Variants in POLN observed in about 807,000 individuals in gnomAD.
The protein encoded by POLN is DNA polymerase N.
In POLN, 108 loss-of-function variants were observed where a neutral mutation model predicts 113.5. The ratio of observed to expected loss-of-function variants is 0.95; its 90% CI spans 0.81 to 1.12. The LOEUF (loss-of-function observed/expected upper bound fraction) is 1.12. Among genes scored for constraint, POLN ranks in the 50% most tolerant of loss-of-function variants. The pLI is 0.00. For synonymous variants in POLN, 386 were observed against 391.5 expected, an observed-to-expected ratio of 0.99 and a Z score of 0.17; for missense variants, 1,097 against 1,077.1, an observed-to-expected ratio of 1.02 and a Z score of -0.26.
chr4:2,210,616 AATAATAATAATAAT>A (rs1733966434), intron 4 of POLN, among the ~76,000 whole-genome samples: 4 of 136,800 alleles, frequency 2.9e-5, no homozygotes, highest in Non-Finnish European at 4.6e-5. Flanking sequence ...TAATAATAAT[AATAATAATAATAAT>A]AAAAAAAAGA....
chr4:2,084,998 T>C (rs548940904), intron 21 of POLN, among the ~76,000 whole-genome samples: 5 of 152,386 alleles, frequency 3.3e-5, no homozygotes, highest in African/African-American at 1.2e-4. Context: ...CTTTAAAATA[T>C]TCCTTTACTT....
intron 20 of POLN, among the ~76,000 whole-genome samples, chr4:2,086,311 T>C (rs1420559549): frequency 6.6e-6 from 1 of 152,116 alleles, no homozygotes; most frequent in Non-Finnish European, 1.5e-5. Context: ...CTAGTTTCTA[T>C]TTATTAACAA....
rs758781948 is a variant in POLN, at chr4:2,072,097, C to T, written c.*17G>A. The T allele has an allele frequency of 5.0e-6, 8 of 1,612,572 alleles. No homozygotes were observed. The highest frequency in any genetic ancestry group is 6.8e-6 in the Non-Finnish European group (8 of 1,179,652). Reference sequence around the variant, plus strand: ...GACTGCTGGAAACCAGTTCTCTCCTCCCACTGTTGCCTGGGGCTACAGACA... The same window carrying T: ...GACTGCTGGAAACCAGTTCTCTCCTTCCACTGTTGCCTGGGGCTACAGACA... On this transcript the variant is annotated 3_prime_UTR_variant, in exon 26 of 26. Coordinates refer to ENST00000511885, the MANE Select transcript of POLN (RefSeq NM_181808.4).
chr4:2,085,582 G>A (rs753741620), intron 21 of POLN, 31 bp downstream of exon 21: 2 of 1,612,308 alleles, frequency 1.2e-6, no homozygotes, highest in Non-Finnish European at 1.7e-6. Context: ...GGTTGGCAGG[G>A]AGCAGGGAGC....
chr4:2,174,299 G>A (rs2022303), intron 10 of POLN, among the ~76,000 whole-genome samples: 1 of 152,136 alleles, frequency 6.6e-6, no homozygotes, highest in East Asian at 1.9e-4. Flanking sequence ...GGCTGACGTG[G>A]TGCCCATCAG....
At chr4:2,213,227 T>G in intron 3 of POLN, 101 bp from the exon 4 acceptor site, 2 of 611,786 alleles carry the variant, frequency 3.3e-6, no homozygotes, top group Non-Finnish European at 5.4e-6. Flanking sequence ...TAATCATGCT[T>G]ATTTATTCAT....
intron 23 of POLN, chr4:2,079,863 G>A (rs890725597): frequency 1.0e-6 from 1 of 985,212 alleles, no homozygotes; most frequent in Non-Finnish European, 1.2e-6. Context: ...GGGATTACAG[G>A]CGTGAGCCAC....
chr4:2,102,112 A>G (rs1730941877), intron 19 of POLN, among the ~76,000 whole-genome samples: 1 of 152,134 alleles, frequency 6.6e-6, no homozygotes, highest in East Asian at 1.9e-4. Flanking sequence ...CCTTCACTCA[A>G]ACATTTCACC....
chr4:2,171,258 A>G (rs1017022249), intron 11 of POLN, 77 bp from the exon 12 acceptor site: 20 of 1,398,474 alleles, frequency 1.4e-5, no homozygotes, highest in Non-Finnish European at 1.9e-5. Flanking sequence ...TCATCAAACA[A>G]TTCTCAACAG....
chr4:2,172,365 C>T (rs547531499), intron 11 of POLN, among the ~76,000 whole-genome samples: 58 of 150,496 alleles, frequency 3.9e-4, no homozygotes, highest in African/African-American at 1.3e-3. Flanking sequence ...ATGAGCTCAA[C>T]GGACTCATGT....
intron 4 of POLN, among the ~76,000 whole-genome samples, chr4:2,212,230 A>G (rs909511197): frequency 6.6e-6 from 1 of 152,230 alleles, no homozygotes; most frequent in African/African-American, 2.4e-5. Context: ...CCCACACCAC[A>G]TAACTCACCC....
intron 7 of POLN, among the ~76,000 whole-genome samples, chr4:2,185,160 A>G (rs1733239952): frequency 6.6e-6 from 1 of 152,264 alleles, no homozygotes; most frequent in African/African-American, 2.4e-5. Context: ...ATCACAAAAA[A>G]AGATAAACAT....
At chr4:2,083,244 C>A (rs1178002218) in intron 21 of POLN, among the ~76,000 whole-genome samples, 1 of 152,330 alleles carries the variant, frequency 6.6e-6, no homozygotes, top group East Asian at 1.9e-4. Flanking sequence ...CTCTGGCTTA[C>A]AAAATCCAGC....
intron 12 of POLN, 59 bp from the exon 13 acceptor site, chr4:2,170,833 T>C: frequency 1.1e-5 from 16 of 1,465,510 alleles, no homozygotes; most frequent in Non-Finnish European, 1.5e-5. Flanking sequence ...AAACAGAACA[T>C]TACTATAGCA....
At chr4:2,201,566 C>G (rs572192895) in intron 5 of POLN, among the ~76,000 whole-genome samples, 3 of 151,812 alleles carry the variant, frequency 2.0e-5, no homozygotes, top group Non-Finnish European at 4.4e-5. Context: ...AACAACCAAA[C>G]CTAAGAATAA....
intron 19 of POLN, among the ~76,000 whole-genome samples, chr4:2,107,488 G>C (rs942411147): frequency 2.0e-5 from 3 of 152,182 alleles, no homozygotes; most frequent in African/African-American, 7.2e-5. Flanking sequence ...TGGAGGGGTT[G>C]CATGAGCTGA....
At chr4:2,085,888 T>A (rs945290122) in intron 20 of POLN, 144 bp from the exon 21 acceptor site, 1 of 1,059,274 alleles carries the variant, frequency 9.4e-7, no homozygotes, top group Non-Finnish European at 1.4e-6. Context: ...ACAAGCCAGG[T>A]GCTAGGTGCC....
intron 6 of POLN, among the ~76,000 whole-genome samples, chr4:2,195,178 T>C (rs548102827): frequency 3.2e-4 from 48 of 152,320 alleles, no homozygotes; most frequent in African/African-American, 1.1e-3. Context: ...CTCAAAGATA[T>C]AATCATAGGA....
Position 2,170,716 on chromosome 4 carries a change from G to A in POLN, c.1517C>T (p.Thr506Met), listed in dbSNP as rs146650604. 123 of 1,614,012 alleles carry A rather than the reference G, an allele frequency of 7.6e-5. No individual in the cohort carries two copies. The highest frequency in any genetic ancestry group is 9.4e-5 in the Non-Finnish European group (111 of 1,180,000). The change falls in exon 13 of 26, where the codon ACG becomes ATG. Residue 506 changes from threonine to methionine, a missense_variant. Coordinates refer to ENST00000511885, the MANE Select transcript of POLN (RefSeq NM_181808.4). ...LLSQRNSLPRTGLQKYPSTSE... is the reference protein window; with the variant it reads ...LLSQRNSLPRMGLQKYPSTSE... The stretch of plus-strand genomic sequence containing the variant: ...TGTAGACGGGTATTTCTGCAACCCC[G>A]TTCTGGGGAGACTGTTCCTTTGACT...
Sources: allele counts gnomAD v4.1 joint callset (sites outside exome capture counted in the v4.1 genomes callset), GRCh38; gene constraint gnomAD v4.1.1; transcripts MANE v1.5; gene names NCBI Gene and HGNC (gene_info 2026-07-23, HGNC 2026-07-21).